The following PRUNE2 variants were observed in gnomAD, a reference collection of about 807,000 sequenced individuals.
PRUNE2 encodes prune homolog 2 with BCH domain.
Under a neutral mutation model 252.0 loss-of-function variants are expected in PRUNE2, and 164 were observed. That is an observed-to-expected ratio of 0.65 (90% confidence interval 0.57 to 0.74). The LOEUF (loss-of-function observed/expected upper bound fraction) is 0.74. PRUNE2 is among the 30% of genes least tolerant of loss of function. The pLI is 0.00. For missense variants in PRUNE2, 3,495 were observed against 3,711.0 expected (o/e 0.94, Z 1.51); for synonymous variants, 1,292 against 1,350.2 (o/e 0.96, Z 0.94).
Position 76,671,431 on chromosome 9 carries a change from T to C in PRUNE2, c.8277-15929A>G, listed in dbSNP as rs1404383090. ...AAAGACCAAATCTACGTCTGATTGG[T>C]GTACCTGAAAGTGATGGGGAGAATG... On this transcript the variant is annotated intron_variant, in intron 9 of 18. Coordinates refer to ENST00000376718, the MANE Select transcript of PRUNE2 (RefSeq NM_015225.3). Among the ~76,000 whole-genome samples, 17 of 150,780 alleles carry C rather than the reference T, an allele frequency of 1.1e-4. No homozygotes were observed. The East Asian group carries it at 2.1e-3, about 19-fold the overall frequency.
At chr9:76,879,743 T>G (rs938725688) in intron 1 of PRUNE2, among the ~76,000 whole-genome samples, 1 of 151,166 alleles carries the variant, frequency 6.6e-6, no homozygotes, top group African/African-American at 2.4e-5. Context: ...AAGAGAAGCA[T>G]TCTCAGCAAA....
In PRUNE2 at chr9:76,735,467, G is replaced by A. The variant is rs550231577; in HGVS notation, c.757-21746C>T. On this transcript the variant is annotated intron_variant, in intron 6 of 18. Transcript: ENST00000376718. ...CCAGTTATGACTAGCAGCTAGCCCC[G>A]TAGTGGCTGACAATTAAGTTACCGA... Among the ~76,000 whole-genome samples, 13 of 141,146 alleles carry A rather than the reference G, an allele frequency of 9.2e-5. No homozygotes were observed. The South Asian group carries it at 2.2e-3, about 24-fold the overall frequency. The allele number at this position is 141,146 out of a possible 152,430, so 92.6% of individuals were successfully genotyped here. A position where few individuals can be genotyped will look rare whatever the true frequency, so the allele number is the denominator to read the frequency against.
In PRUNE2 at chr9:76,708,208, A is replaced by G. The variant is rs1192368112; in HGVS notation, c.4066T>C (p.Ser1356Pro). The G allele has an allele frequency of 6.2e-7, 1 of 1,613,738 alleles. No individual in the cohort carries two copies. Among genetic ancestry groups the G allele is most frequent in the Non-Finnish European group, 8.5e-7 (1 of 1,179,858 alleles). ...TCCTGGTCACTCTGCCCTTTTTCAG[A>G]AATCCCTGAGGCATTCTCCACACCA... Reference protein sequence around the residue: ...ASGVENASGISEKGQSDQELS... With the variant: ...ASGVENASGIPEKGQSDQELS... The change falls in exon 8 of 19, where the codon TCT (serine) becomes CCT (proline). Residue 1356 changes from serine to proline, a missense_variant. Coordinates refer to ENST00000376718, the MANE Select transcript of PRUNE2 (RefSeq NM_015225.3).
chr9:76,778,808 C>A (rs1330593340), intron 6 of PRUNE2: 1 of 152,150 alleles, frequency 6.6e-6, no homozygotes, highest in Non-Finnish European at 1.5e-5. Flanking sequence ...TGGCATAACA[C>A]CAAATTTAAT....
At chr9:76,647,278 A>C (rs991735785) in intron 11 of PRUNE2, among the ~76,000 whole-genome samples, 1 of 152,256 alleles carries the variant, frequency 6.6e-6, no homozygotes, top group African/African-American at 2.4e-5. Context: ...AAGGCAATAC[A>C]ATAAAGCAAA....
intron 18 of PRUNE2, 106 bp from the exon 19 acceptor site, chr9:76,614,706 G>T: frequency 1.2e-6 from 1 of 820,096 alleles, no homozygotes; most frequent in Non-Finnish European, 2.0e-6. Flanking sequence ...AGGACATACT[G>T]AAAATATTTA....
rs555325967 is a variant in PRUNE2 at position 76,634,787 on chromosome 9, T to G, written c.9050+1684A>C. ...AACATTACTTAATCAAGAAAAAACA[T>G]TTGTTTTATAAGTGCTGAATTATTA... On this transcript the variant is annotated intron_variant, in intron 15 of 18. Coordinates refer to ENST00000376718, the MANE Select transcript of PRUNE2 (RefSeq NM_015225.3). Among the ~76,000 whole-genome samples the G allele has an allele frequency of 1.1e-4, 17 of 152,326 alleles. No individual in the cohort carries two copies. The South Asian group carries it at 3.3e-3, about 30-fold the overall frequency.
At chr9:76,660,939 T>C (rs1351868595) in intron 9 of PRUNE2, among the ~76,000 whole-genome samples, 1 of 152,006 alleles carries the variant, frequency 6.6e-6, no homozygotes, top group Non-Finnish European at 1.5e-5. Flanking sequence ...TAAACTACAC[T>C]TGGGAAAAAT....
chr9:76,741,038 G>A (rs1345796928), intron 6 of PRUNE2, among the ~76,000 whole-genome samples: 7 of 152,136 alleles, frequency 4.6e-5, no homozygotes, highest in African/African-American at 1.4e-4. Flanking sequence ...TAAGGGTGAA[G>A]AATACACTCA....
At chr9:76,748,086 G>A (rs1283809195) in intron 6 of PRUNE2, among the ~76,000 whole-genome samples, 3 of 152,154 alleles carry the variant, frequency 2.0e-5, no homozygotes, top group Non-Finnish European at 2.9e-5. Flanking sequence ...GTGAGCCAAC[G>A]TGCCCGGCCC....
chr9:76,709,626 C>T lies in PRUNE2; in HGVS notation c.2648G>A (p.Ser883Asn). Residue 883 changes from serine (S) to asparagine (N), a missense_variant, in exon 8 of 19, where the codon AGT becomes AAT. Ser to Asn is a conservative substitution (Grantham distance 46). Coordinates refer to ENST00000376718, the MANE Select transcript of PRUNE2 (RefSeq NM_015225.3). ...RDHIFAPGNP[S>N]SDLDHTWTNS... ...AGTCCATGTGTGATCCAGATCAGAA[C>T]TGGGATTTCCAGGTGCAAAGATGTG... 1 of 1,614,006 alleles carries T rather than the reference C, an allele frequency of 6.2e-7. No individual in the cohort carries two copies. The highest frequency in any genetic ancestry group is 1.1e-5 in the South Asian group (1 of 91,084).
At chr9:76,769,096 G>A (rs656751) in intron 6 of PRUNE2, among the ~76,000 whole-genome samples, 48,382 of 151,968 alleles carry the variant, frequency 0.32, 7,953 homozygotes, top group South Asian at 0.41. Flanking sequence ...GACAGTTTGA[G>A]AGATATTCTT....
rs902031492 is a variant in PRUNE2, at chr9:76,768,937, T to C, written c.756+54695A>G. Among the ~76,000 whole-genome samples, 8 of 152,352 alleles carry C rather than the reference T, an allele frequency of 5.3e-5. No homozygotes were observed. The East Asian group carries it at 1.5e-3, about 29-fold the overall frequency. On this transcript the variant is annotated intron_variant, in intron 6 of 18. Coordinates refer to ENST00000376718, the MANE Select transcript of PRUNE2 (RefSeq NM_015225.3). Reference sequence around the variant, plus strand: ...AAATTTAAATTACAGTAGTAATAGATGCCTTGTTTTAACAAGTCAAACAAA... The same window carrying C: ...AAATTTAAATTACAGTAGTAATAGACGCCTTGTTTTAACAAGTCAAACAAA...
At chr9:76,887,094 C>G (rs137941148) in intron 1 of PRUNE2, among the ~76,000 whole-genome samples, 71 of 152,228 alleles carry the variant, frequency 4.7e-4, no homozygotes, top group African/African-American at 1.6e-3. Context: ...TGGGAAGAAA[C>G]TAAAGCACAG....
chr9:76,695,658 A>G (rs1480317032), intron 9 of PRUNE2, among the ~76,000 whole-genome samples: 1 of 152,334 alleles, frequency 6.6e-6, no homozygotes, highest in East Asian at 1.9e-4. Context: ...GAAGCAACAA[A>G]TGCCAGAAAT....
chr9:76,791,256 T>C (rs569416098), intron 6 of PRUNE2, among the ~76,000 whole-genome samples: 39 of 149,612 alleles, frequency 2.6e-4, no homozygotes, highest in Admixed American at 1.3e-3. Flanking sequence ...CCAATTATCA[T>C]TGGTACAATA....
chr9:76,708,037 G>A lies in PRUNE2; in HGVS notation c.4237C>T (p.Arg1413Cys), dbSNP rs759365654. Residue 1413 changes from arginine to cysteine, a missense_variant, in exon 8 of 19, where the codon CGT becomes TGT. Coordinates refer to ENST00000376718, the MANE Select transcript of PRUNE2 (RefSeq NM_015225.3). The stretch of plus-strand genomic sequence containing the variant: ...GCGGACATCCCTGTTTGCACATCAC[G>A]GGAGTCTAGATTGTAAGACCCCTCC... Reference protein sequence around the residue: ...YEEGSYNLDSRDVQTGMSADN... With the variant: ...YEEGSYNLDSCDVQTGMSADN... The A allele has an allele frequency of 4.2e-5, 68 of 1,613,710 alleles. No individual in the cohort carries two copies. Among genetic ancestry groups the A allele is most frequent in the East Asian group, 3.6e-4 (16 of 44,878 alleles).
chr9:76,636,300 T>C (rs1490684551), intron 15 of PRUNE2, among the ~76,000 whole-genome samples, 171 bp downstream of exon 15: 1 of 152,206 alleles, frequency 6.6e-6, no homozygotes, highest in African/African-American at 2.4e-5. Flanking sequence ...GCATTTTCTC[T>C]CTTAATTCGG....
intron 1 of PRUNE2, among the ~76,000 whole-genome samples, chr9:76,894,194 G>GC (rs2133567767): frequency 6.6e-6 from 1 of 152,282 alleles, no homozygotes; most frequent in East Asian, 1.9e-4. Context: ...CTAAAAGACT[G>GC]CCCACCCTTC....
Sources: gnomAD v4.1 joint callset for allele counts (sites outside exome capture counted in the v4.1 genomes callset) on GRCh38, gnomAD v4.1.1 for gene constraint, MANE v1.5 for transcripts, NCBI Gene and HGNC (gene_info 2026-07-23, HGNC 2026-07-21) for gene names.